The following CUX2 variants were observed in gnomAD, a reference collection of about 807,000 sequenced individuals.
CUX2 encodes cut like homeobox 2.
In CUX2, 40 loss-of-function variants were observed where a neutral mutation model predicts 144.8. That is an observed-to-expected ratio of 0.28 (90% CI 0.21 to 0.36). The LOEUF is 0.36. Ranked by LOEUF, CUX2 falls within the 10% of genes least tolerant of loss-of-function variation. CUX2 has a pLI of 1.00. For missense variants in CUX2, 1,615 were observed against 1,994.0 expected, an observed-to-expected ratio of 0.81 and a Z score of 3.62; for synonymous variants, 827 against 875.6, an observed-to-expected ratio of 0.94 and a Z score of 0.98.
chr12:111,064,336 T>C (rs1870935523), intron 1 of CUX2, among the ~76,000 whole-genome samples: 1 of 152,226 alleles, frequency 6.6e-6, no homozygotes, highest in South Asian at 2.1e-4. Context: ...CTCTGTGGCC[T>C]CAGTTTTCTC....
At position 111,039,388 on chromosome 12, in the gene CUX2, C is replaced by T. The variant is rs780367329; in HGVS notation, c.63+5148C>T. On this transcript the variant is annotated intron_variant, in intron 1 of 21. Transcript: ENST00000261726. The surrounding 1 kb of genome is among the most constrained non-coding windows in gnomAD (Gnocchi z 4.2). ...GGGGAAGGACCCCAAGAACTGTATT[C>T]TGTGTGGCCTTTAGTGCTCCTGGGT... 6.6e-6 allele frequency among the ~76,000 whole-genome samples: 1 copy of T among 152,136 alleles called. No homozygotes were observed. The highest frequency in any genetic ancestry group is 1.5e-5 in the Non-Finnish European group (1 of 68,030).
chr12:111,162,725 G>A (rs1234479678), intron 1 of CUX2, among the ~76,000 whole-genome samples: 1 of 152,214 alleles, frequency 6.6e-6, no homozygotes, highest in Non-Finnish European at 1.5e-5. Flanking sequence ...ACCCTTGCTT[G>A]ATTAGCAGAG....
At chr12:111,311,992 C>A in intron 15 of CUX2, 108 bp from the exon 16 acceptor site, 2 of 824,226 alleles carry the variant, frequency 2.4e-6, no homozygotes, top group Non-Finnish European at 3.8e-6. Flanking sequence ...CACTGATGGT[C>A]TGACCCTCAC....
rs1885466109 is a variant in CUX2, at chr12:111,287,761, C to T, written c.302-3657C>T. Among the ~76,000 whole-genome samples the T allele has an allele frequency of 6.6e-6, 1 of 152,244 alleles. No homozygotes were observed. Among genetic ancestry groups the T allele is most frequent in the Non-Finnish European group, 1.5e-5 (1 of 68,042 alleles). ...TCGGCATGGACGCCCATTGTCCAAG[C>T]CCCTGCCACCTAAACAAACAGGCCA... On this transcript the variant is annotated intron_variant, in intron 4 of 21. Transcript: ENST00000261726. This position sits in a 1 kb window ranked among gnomAD's most constrained non-coding sequence, Gnocchi z 4.2.
Position 111,310,938 on chromosome 12 carries a change from G to A in CUX2, c.1900+256G>A, listed in dbSNP as rs1886867850. 6.6e-6 allele frequency among the ~76,000 whole-genome samples: 1 copy of A among 152,256 alleles called. No homozygotes were observed. Among genetic ancestry groups the A allele is most frequent in the Non-Finnish European group, 1.5e-5 (1 of 68,044 alleles). On this transcript the variant is annotated intron_variant, in intron 15 of 21. Transcript: ENST00000261726. The surrounding 1 kb of genome is among the most constrained non-coding windows in gnomAD (Gnocchi z 7.9). ...TCCTGGGGCACTCAGGGTAAGGGTGGCGGGAAAAGGCTCCAGGCGCTGCCC... is the reference window on the plus strand; with the variant it reads ...TCCTGGGGCACTCAGGGTAAGGGTGACGGGAAAAGGCTCCAGGCGCTGCCC...
At chr12:111,089,014 C>T (rs768687281) in intron 1 of CUX2, among the ~76,000 whole-genome samples, 3 of 152,098 alleles carry the variant, frequency 2.0e-5, no homozygotes, top group South Asian at 2.1e-4. Flanking sequence ...TATCCAGGGG[C>T]GGTGGTGTGC....
At chr12:111,118,164 G>T (rs75632048) in intron 1 of CUX2, among the ~76,000 whole-genome samples, 4,808 of 152,180 alleles carry the variant, frequency 0.032, 265 homozygotes, top group African/African-American at 0.11. Flanking sequence ...TGTTAAATTT[G>T]CAAGACTTTT....
chr12:111,145,893 C>T (rs879384162), intron 1 of CUX2, among the ~76,000 whole-genome samples: 6 of 151,588 alleles, frequency 4.0e-5, no homozygotes, highest in Non-Finnish European at 5.9e-5. Flanking sequence ...TTTTAGTAGA[C>T]GCGGGGTTTC....
chr12:111,151,091 C>T (rs909539193), intron 1 of CUX2, among the ~76,000 whole-genome samples: 1 of 152,212 alleles, frequency 6.6e-6, no homozygotes, highest in African/African-American at 2.4e-5. Context: ...AAATGAAGAA[C>T]TATAGCAGTC....
intron 1 of CUX2, among the ~76,000 whole-genome samples, chr12:111,194,059 G>A (rs1404988603): frequency 6.6e-6 from 1 of 152,198 alleles, no homozygotes; most frequent in Admixed American, 6.5e-5. Flanking sequence ...GTCTCACAGT[G>A]CAACATGAAC....
chr12:111,170,316 CT>C lies in CUX2; in HGVS notation c.64-43883del, dbSNP rs372905198. Among the ~76,000 whole-genome samples, 1,092 of 152,118 alleles carry C rather than the reference CT, an allele frequency of 7.2e-3. 5 individuals are homozygous for C. Among genetic ancestry groups the C allele is most frequent in the Non-Finnish European group, 0.012 (825 of 68,008 alleles). ...TGGTGGCACATGCCTGTAATCCCAG[CT>C]ACTCGGGAAGTTGAGGCAGGAGAAT... is the stretch of plus-strand genomic sequence containing the variant. On this transcript the variant is annotated intron_variant, in intron 1 of 21. Transcript: ENST00000261726.
At chr12:111,113,848 C>T (rs1478012580) in intron 1 of CUX2, among the ~76,000 whole-genome samples, 7 of 152,198 alleles carry the variant, frequency 4.6e-5, no homozygotes, top group South Asian at 2.1e-4. Flanking sequence ...TGAGCTGCCG[C>T]GTCTGGCCTC....
chr12:111,056,676 G>A (rs974400008), intron 1 of CUX2, among the ~76,000 whole-genome samples: 4 of 152,228 alleles, frequency 2.6e-5, no homozygotes, highest in African/African-American at 9.6e-5. Flanking sequence ...GTGGGCCCAG[G>A]TTCAAAGGGA....
At chr12:111,086,750 T>C (rs1159245843) in intron 1 of CUX2, among the ~76,000 whole-genome samples, 1 of 152,062 alleles carries the variant, frequency 6.6e-6, no homozygotes, top group Non-Finnish European at 1.5e-5. Context: ...CAGGGAATGG[T>C]TTTTGGTTTA....
chr12:111,176,039 CTT>C (rs1172563784), intron 1 of CUX2, among the ~76,000 whole-genome samples: 752 of 70,168 alleles, frequency 0.011, 9 homozygotes, highest in African/African-American at 0.048. Flanking sequence ...TCTTCTTCTT[CTT>C]TTTTTTTTTT....
chr12:111,229,179 C>A (rs575804640), intron 3 of CUX2, among the ~76,000 whole-genome samples: 1 of 152,274 alleles, frequency 6.6e-6, no homozygotes, highest in South Asian at 2.1e-4. Context: ...CCGAATGCTG[C>A]CTCCACAAAG....
chr12:111,208,031 A>G (rs1212651221), intron 1 of CUX2, among the ~76,000 whole-genome samples: 1 of 152,078 alleles, frequency 6.6e-6, no homozygotes, highest in Admixed American at 6.5e-5. Flanking sequence ...CTGGGAAGGA[A>G]ACAAGGAGAA....
At chr12:111,175,341 CTTTT>C (rs5800922) in intron 1 of CUX2, among the ~76,000 whole-genome samples, 117 of 124,110 alleles carry the variant, frequency 9.4e-4, no homozygotes, top group Middle Eastern at 8.2e-3. Context: ...CCACCCACAC[CTTTT>C]TTTTTTTTTT....
At chr12:111,199,884 G>A (rs1880473596) in intron 1 of CUX2, among the ~76,000 whole-genome samples, 1 of 152,046 alleles carries the variant, frequency 6.6e-6, no homozygotes, top group Non-Finnish European at 1.5e-5. Flanking sequence ...TATGTCTCGT[G>A]TGTCTGTGTG....
Sources: gnomAD v4.1 joint callset for allele counts (sites outside exome capture counted in the v4.1 genomes callset) on GRCh38, gnomAD v4.1.1 for gene constraint, Gnocchi (gnomAD v3.1) non-coding constraint, MANE v1.5 for transcripts, NCBI Gene and HGNC (gene_info 2026-07-23, HGNC 2026-07-21) for gene names.